The following NOPCHAP1 variants were observed in gnomAD, a reference collection of about 807,000 sequenced individuals.
NOPCHAP1 encodes NOP protein chaperone 1.
NOPCHAP1 carries 13 observed loss-of-function variants against 14.0 expected under a neutral mutation model. That is an observed-to-expected ratio of 0.93 (90% CI 0.60 to 1.47). The LOEUF (loss-of-function observed/expected upper bound fraction) is 1.47, where lower values mean the gene tolerates loss of function less well. Ranked by LOEUF, NOPCHAP1 falls within the 40% of genes most tolerant of loss-of-function variation. The pLI, the probability that NOPCHAP1 is intolerant of heterozygous loss-of-function variation, is 0.00. For synonymous variants in NOPCHAP1, 78 were observed against 78.4 expected, an observed-to-expected ratio of 1.00 and a Z score of 0.03; for missense variants, 230 against 226.9, an observed-to-expected ratio of 1.01 and a Z score of -0.09.
In NOPCHAP1 at chr12:105,004,561, A is replaced by C. The variant is rs1873669956; in HGVS notation, c.*9865A>C. On this transcript the variant is annotated 3_prime_UTR_variant, in exon 4 of 4. Transcript: ENST00000552951. ...ACAGAGCAAGACTGTGTCTCAAAAC[A>C]AATAAATAAATAAAAATTACCAGTT... The C allele has an allele frequency of 6.8e-6, 1 of 147,166 alleles. No individual in the cohort carries two copies. Among genetic ancestry groups the C allele is most frequent in the South Asian group, 2.1e-4 (1 of 4,830 alleles). The allele number at this position is 147,166 out of a possible 1,614,324, so 9.1% of individuals were successfully genotyped here.
Position 104,996,793 on chromosome 12 carries a change from T to C in NOPCHAP1, c.*2097T>C, listed in dbSNP as rs780992933. ...TCTGGGTGCTTCTCTGTTGGGTGCA[T>C]GTATGTTTAGGATAGTTAGGTCTTA... On this transcript the variant is annotated 3_prime_UTR_variant, in exon 4 of 4. Transcript: ENST00000552951. 6.6e-6 allele frequency: 1 copy of C among 152,242 alleles called. No individual in the cohort carries two copies. Among genetic ancestry groups the C allele is most frequent in the Non-Finnish European group, 1.5e-5 (1 of 68,040 alleles). 9.4% of individuals were successfully genotyped at this position (152,242 alleles called of 1,614,324 possible).
rs1439767952 is a variant in NOPCHAP1, at chr12:105,000,728, C to G, written c.*6032C>G. 1 of 151,914 alleles carries G rather than the reference C, an allele frequency of 6.6e-6. No individual in the cohort carries two copies. The highest frequency in any genetic ancestry group is 1.5e-5 in the Non-Finnish European group (1 of 67,978). 9.4% of individuals were successfully genotyped at this position (151,914 alleles called of 1,614,324 possible). A position where few individuals can be genotyped will look rare whatever the true frequency, so the allele number is the denominator to read the frequency against. ...TTCACTGATGTTGTTTTCAGAAGAC[C>G]CAATCTCCATGTTCCAGATTGTGAA... On this transcript the variant is annotated 3_prime_UTR_variant, in exon 4 of 4. Transcript: ENST00000552951.
rs547737671 is a variant in NOPCHAP1, at chr12:105,004,295, G to C, written c.*9599G>C. ...ATTTTAAAGTAAAAATAAAGGCCAG[G>C]TGCGGTGGCTCACACCTGTAATCCC... On this transcript the variant is annotated 3_prime_UTR_variant, in exon 4 of 4. Coordinates refer to ENST00000552951, the MANE Select transcript of NOPCHAP1 (RefSeq NM_152318.3). 1.3e-5 allele frequency: 2 copies of C among 152,312 alleles called. No individual in the cohort carries two copies. Among genetic ancestry groups the C allele is most frequent in the South Asian group, 4.1e-4 (2 of 4,822 alleles). The allele number at this position is 152,312 out of a possible 1,614,324, so 9.4% of individuals were successfully genotyped here.
Position 104,994,517 on chromosome 12 carries a change from G to A in NOPCHAP1, c.379G>A (p.Glu127Lys). The A allele has an allele frequency of 6.2e-7, 1 of 1,613,776 alleles. No individual in the cohort carries two copies. The highest frequency in any genetic ancestry group is 8.5e-7 in the Non-Finnish European group (1 of 1,179,830). Reference protein sequence around the residue: ...LFEMNQSDSKEVDSSEESSQD... With the variant: ...LFEMNQSDSKKVDSSEESSQD... ...TGAGATGAATCAGTCGGATTCAAAA[G>A]AAGTGGACAGTTCAGAAGAGAGTTC... Residue 127 changes from glutamate to lysine, a missense_variant, in exon 4 of 4, where the codon GAA (glutamate) becomes AAA (lysine). By Grantham distance (56) the Glu-to-Lys change is moderately conservative. Coordinates refer to ENST00000552951, the MANE Select transcript of NOPCHAP1 (RefSeq NM_152318.3).
rs1873926061 is a variant in NOPCHAP1, at chr12:105,015,391, A to T, written c.*20695A>T. 1 of 152,258 alleles carries T rather than the reference A, an allele frequency of 6.6e-6. No individual in the cohort carries two copies. The highest frequency in any genetic ancestry group is 1.5e-5 in the Non-Finnish European group (1 of 68,046). The allele number at this position is 152,258 out of a possible 1,614,324, so 9.4% of individuals were successfully genotyped here. The stretch of plus-strand genomic sequence containing the variant: ...ATTAAATGGATGCATGAAGGTATAC[A>T]GGAGACTTTAAGCTATCATAGACGG... On this transcript the variant is annotated 3_prime_UTR_variant, in exon 4 of 4. Transcript: ENST00000552951.
intron 3 of NOPCHAP1, among the ~76,000 whole-genome samples, chr12:104,992,762 C>T (rs1873408453): frequency 6.6e-6 from 1 of 152,190 alleles, no homozygotes; most frequent in Non-Finnish European, 1.5e-5. Context: ...CTATTATGAA[C>T]TGTGCATGTA....
At position 105,004,234 on chromosome 12, in the gene NOPCHAP1, T is replaced by G. The variant is rs1873664407; in HGVS notation, c.*9538T>G. 1 of 152,188 alleles carries G rather than the reference T, an allele frequency of 6.6e-6. No homozygotes were observed. Among genetic ancestry groups the G allele is most frequent in the African/African-American group, 2.4e-5 (1 of 41,456 alleles). The allele number at this position is 152,188 out of a possible 1,614,324, so 9.4% of individuals were successfully genotyped here. A position where few individuals can be genotyped will look rare whatever the true frequency, so the allele number is the denominator to read the frequency against. On this transcript the variant is annotated 3_prime_UTR_variant, in exon 4 of 4. Coordinates refer to ENST00000552951, the MANE Select transcript of NOPCHAP1 (RefSeq NM_152318.3). ...GTGATGAGTGAATTTGTTAGCATCT[T>G]TTTTCTTCAGCATGGATTTCAGAAA...
rs1873901078 is a variant in NOPCHAP1 at position 105,014,271 on chromosome 12, A to G, written c.*19575A>G. ...AAGTGCTGATAAATTCTAACTTTTT[A>G]TAATAGATTTATATATTTTTTATGG... On this transcript the variant is annotated 3_prime_UTR_variant, in exon 4 of 4. Coordinates refer to ENST00000552951, the MANE Select transcript of NOPCHAP1 (RefSeq NM_152318.3). 1 of 152,178 alleles carries G rather than the reference A, an allele frequency of 6.6e-6. No individual in the cohort carries two copies. The highest frequency in any genetic ancestry group is 1.5e-5 in the Non-Finnish European group (1 of 68,036). The allele number at this position is 152,178 out of a possible 1,614,324, so 9.4% of individuals were successfully genotyped here. A position where few individuals can be genotyped will look rare whatever the true frequency, so the allele number is the denominator to read the frequency against.
chr12:104,986,377 G>C lies in NOPCHAP1; in HGVS notation c.25G>C (p.Ala9Pro). 3.1e-6 allele frequency: 5 copies of C among 1,611,174 alleles called. No homozygotes were observed. The highest frequency in any genetic ancestry group is 3.4e-6 in the Non-Finnish European group (4 of 1,178,868). ...CATGGAGGTCCATGGCAAGCCCAAG[G>C]CTAGCCCGAGTTGTTCGTCGCCCAC... MEVHGKPK[A>P]SPSCSSPTRD... Residue 9 changes from alanine to proline, a missense_variant, in exon 1 of 4, where the codon GCT becomes CCT. Physicochemically the swap from Ala to Pro is conservative, Grantham distance 27 (BLOSUM62 -1). Transcript: ENST00000552951.
rs947736984 is a variant in NOPCHAP1, at chr12:105,005,806, C to G, written c.*11110C>G. On this transcript the variant is annotated 3_prime_UTR_variant, in exon 4 of 4. Coordinates refer to ENST00000552951, the MANE Select transcript of NOPCHAP1 (RefSeq NM_152318.3). ...TGTCTATACAGTACCAATCTTCTAC[C>G]ATTTGCTTTAGTTTTAGTGTGTGTA... The G allele has an allele frequency of 6.6e-6, 1 of 152,204 alleles. No individual in the cohort carries two copies. Among genetic ancestry groups the G allele is most frequent in the Non-Finnish European group, 1.5e-5 (1 of 68,030 alleles). The allele number at this position is 152,204 out of a possible 1,614,324, so 9.4% of individuals were successfully genotyped here. A position where few individuals can be genotyped will look rare whatever the true frequency, so the allele number is the denominator to read the frequency against.
chr12:104,989,163 T>G (rs55916348), intron 2 of NOPCHAP1, among the ~76,000 whole-genome samples: 11 of 152,080 alleles, frequency 7.2e-5, no homozygotes, highest in African/African-American at 2.7e-4. Context: ...CGTTGTGATC[T>G]TAATTTGTTT....
chr12:104,988,399 C>A, intron 2 of NOPCHAP1, 146 bp downstream of exon 2: 1 of 554,502 alleles, frequency 1.8e-6, no homozygotes, highest in South Asian at 3.5e-5. Flanking sequence ...ATGATAAAGT[C>A]AGTACACAGA....
Position 104,994,506 on chromosome 12 carries a change from C to T in NOPCHAP1, c.368C>T (p.Ser123Leu), listed in dbSNP as rs747421151. 8.1e-6 allele frequency: 13 copies of T among 1,613,728 alleles called. No homozygotes were observed. Among genetic ancestry groups the T allele is most frequent in the Admixed American group, 6.7e-5 (4 of 59,978 alleles). Reference sequence around the variant, plus strand: ...GTGGCTTTGTTTGAGATGAATCAGTCGGATTCAAAAGAAGTGGACAGTTCA... The same window carrying T: ...GTGGCTTTGTTTGAGATGAATCAGTTGGATTCAAAAGAAGTGGACAGTTCA... The part of the protein sequence containing the change: ...MDVALFEMNQ[S>L]DSKEVDSSEE... The change falls in exon 4 of 4, where the codon TCG (serine) becomes TTG (leucine). Residue 123 changes from serine to leucine, a missense_variant. Transcript: ENST00000552951.
intron 2 of NOPCHAP1, among the ~76,000 whole-genome samples, chr12:104,990,284 G>A (rs567841834): frequency 1.3e-5 from 2 of 152,248 alleles, no homozygotes; most frequent in South Asian, 2.1e-4. Flanking sequence ...AGTTCAGGCC[G>A]CACATTTTGG....
Position 105,013,016 on chromosome 12 carries a change from C to G in NOPCHAP1, c.*18320C>G, listed in dbSNP as rs1472886789. ...CCCTTAGCAGAGCTTGAGCACTGTG[C>G]TGGGAGATCTGCTCTCTTCAGAGCT... On this transcript the variant is annotated 3_prime_UTR_variant, in exon 4 of 4. Coordinates refer to ENST00000552951, the MANE Select transcript of NOPCHAP1 (RefSeq NM_152318.3). The G allele has an allele frequency of 7.5e-6, 1 of 132,770 alleles. No individual in the cohort carries two copies. Among genetic ancestry groups the G allele is most frequent in the Non-Finnish European group, 1.5e-5 (1 of 65,020 alleles). 8.2% of individuals were successfully genotyped at this position (132,770 alleles called of 1,614,324 possible).
Position 105,016,059 on chromosome 12 carries a change from C to T in NOPCHAP1, c.*21363C>T, listed in dbSNP as rs574230619. On this transcript the variant is annotated 3_prime_UTR_variant, in exon 4 of 4. Transcript: ENST00000552951. ...AAAGGAAAAGAGTGGAAAATTCATC[C>T]CCATAAATATTAAAAACTAGTGTGT... is the stretch of plus-strand genomic sequence containing the variant. 6.6e-6 allele frequency: 1 copy of T among 150,462 alleles called. No homozygotes were observed. The highest frequency in any genetic ancestry group is 1.9e-4 in the East Asian group (1 of 5,162). 9.3% of individuals were successfully genotyped at this position (150,462 alleles called of 1,614,324 possible). A position where few individuals can be genotyped will look rare whatever the true frequency, so the allele number is the denominator to read the frequency against.
chr12:104,994,155 G>A (rs926180610), intron 3 of NOPCHAP1, among the ~76,000 whole-genome samples: 6 of 152,240 alleles, frequency 3.9e-5, no homozygotes, highest in Middle Eastern at 3.4e-3. Context: ...GACCAGCCTG[G>A]CCAACAGGGT....
rs1452519363 is a variant in NOPCHAP1, at chr12:104,994,530, C to T, written c.392C>T (p.Ser131Leu). 26 of 1,613,256 alleles carry T rather than the reference C, an allele frequency of 1.6e-5. No homozygotes were observed. The highest frequency in any genetic ancestry group is 2.2e-5 in the Non-Finnish European group (26 of 1,179,648). ...NQSDSKEVDS[S>L]EESSQDSSEN... ...TCGGATTCAAAAGAAGTGGACAGTT[C>T]AGAAGAGAGTTCACAAGACAGTTCA... The change falls in exon 4 of 4, where the codon TCA (serine) becomes TTA (leucine). Residue 131 changes from serine (S) to leucine (L), a missense_variant. Coordinates refer to ENST00000552951, the MANE Select transcript of NOPCHAP1 (RefSeq NM_152318.3).
At position 105,016,669 on chromosome 12, in the gene NOPCHAP1, C is replaced by A. The variant is rs892839487; in HGVS notation, c.*21973C>A. 4 of 152,112 alleles carry A rather than the reference C, an allele frequency of 2.6e-5. 1 individual carries two copies. The highest frequency in any genetic ancestry group is 9.7e-5 in the African/African-American group (4 of 41,400). 9.4% of individuals were successfully genotyped at this position (152,112 alleles called of 1,614,324 possible). A position where few individuals can be genotyped will look rare whatever the true frequency, so the allele number is the denominator to read the frequency against. On this transcript the variant is annotated 3_prime_UTR_variant, in exon 4 of 4. Coordinates refer to ENST00000552951, the MANE Select transcript of NOPCHAP1 (RefSeq NM_152318.3). The stretch of plus-strand genomic sequence containing the variant: ...ACCATCAGACCTGGTGAGACTTATT[C>A]ACATGAGAACAGCATAGGAAAGACC...
Sources: gnomAD v4.1 joint callset for allele counts (sites outside exome capture counted in the v4.1 genomes callset) on GRCh38, gnomAD v4.1.1 for gene constraint, MANE v1.5 for transcripts, NCBI Gene and HGNC (gene_info 2026-07-23, HGNC 2026-07-21) for gene names.